The following EDA variants were observed in gnomAD, a reference collection of about 807,000 sequenced individuals.
EDA encodes ectodysplasin-A.
A neutral mutation model predicts 23.6 loss-of-function variants in EDA; 2 were observed. The observed-to-expected ratio is 0.08, with a 90% CI of 0.03 to 0.27. The LOEUF (loss-of-function observed/expected upper bound fraction) is 0.27, where lower values mean the gene tolerates loss of function less well. Among genes scored for constraint, EDA ranks in the 10% least tolerant of loss-of-function variants. The pLI is 1.00. For missense variants in EDA, 229 were observed against 324.2 expected (o/e 0.71, Z 2.26); for synonymous variants, 131 against 132.0 (o/e 0.99, Z 0.05).
chrX:69,885,028 G>A (rs1311301748), intron 1 of EDA, among the ~76,000 whole-genome samples: 1 of 111,631 alleles, frequency 9.0e-6, no homozygotes, highest in East Asian at 2.8e-4. Flanking sequence ...GATATAAAGT[G>A]GTATCTCCTT....
chrX:69,815,633 C>T (rs997178811), intron 1 of EDA, among the ~76,000 whole-genome samples: 16 of 111,997 alleles, frequency 1.4e-4, no homozygotes, highest in East Asian at 2.8e-4. Flanking sequence ...GACCTCCCTG[C>T]GGGGGCTTCA....
chrX:69,792,414 G>T (rs960737598), intron 1 of EDA, among the ~76,000 whole-genome samples: 1 of 111,977 alleles, frequency 8.9e-6, no homozygotes, highest in African/African-American at 3.2e-5. Flanking sequence ...ATTGTGAATT[G>T]TGCCACTATA....
chrX:69,847,290 T>C (rs1250492181), intron 1 of EDA, among the ~76,000 whole-genome samples: 1 of 111,682 alleles, frequency 9.0e-6, no homozygotes, highest in Non-Finnish European at 1.9e-5. Context: ...TACTGATAAA[T>C]GAATGCCTAC....
In EDA at chrX:69,667,539, C is replaced by T. The variant is rs1055029597; in HGVS notation, c.396+50835C>T. On this transcript the variant is annotated intron_variant, in intron 1 of 7. Coordinates refer to ENST00000374552, the MANE Select transcript of EDA (RefSeq NM_001399.5). ...ATATTGTTTATTTTTTTCAAACAAC[C>T]AACTCTTAGTTTTATTGATTTTTTC... 8.1e-5 allele frequency among the ~76,000 whole-genome samples: 9 copies of T among 111,036 alleles called. 1 individual carries two copies. Among genetic ancestry groups the T allele is most frequent in the Non-Finnish European group, 1.3e-4 (7 of 52,996 alleles).
At chrX:69,933,749 C>G (rs1449539211) in intron 1 of EDA, among the ~76,000 whole-genome samples, 5 of 111,628 alleles carry the variant, frequency 4.5e-5, no homozygotes, top group Admixed American at 9.5e-5. Context: ...TTGGAGCCCC[C>G]CTTCCTTCCA....
intron 1 of EDA, among the ~76,000 whole-genome samples, chrX:69,730,249 A>G (rs1055979834): frequency 3.6e-5 from 4 of 111,920 alleles, no homozygotes; most frequent in African/African-American, 1.3e-4. Flanking sequence ...CTGTATCCAC[A>G]GAAGTGCTCA....
rs1258009309 is a variant in EDA at position 69,676,501 on chromosome X, T to TGTGC, written c.396+59798_396+59799insTGCG. Among the ~76,000 whole-genome samples the TGTGC allele has an allele frequency of 2.1e-3, 229 of 109,097 alleles. 1 individual carries two copies. The highest frequency in any genetic ancestry group is 1.9e-3 in the Non-Finnish European group (102 of 52,623). The allele number at this position is 109,097 out of a possible 115,157, so 94.7% of individuals were successfully genotyped here. On this transcript the variant is annotated intron_variant, in intron 1 of 7. Transcript: ENST00000374552. Reference sequence around the variant, plus strand: ...GAGTTTTTCTGTGTGTGTGTGTGTGTGCGCGCGCGCACGTGTGCTTGTGTG... The same window carrying TGTGC: ...GAGTTTTTCTGTGTGTGTGTGTGTGTGTGCGCGCGCGCGCACGTGTGCTTGTGTG...
At chrX:69,748,794 G>T (rs753705480) in intron 1 of EDA, among the ~76,000 whole-genome samples, 1 of 111,385 alleles carries the variant, frequency 9.0e-6, no homozygotes, top group East Asian at 2.8e-4. Flanking sequence ...TCCCTCATAA[G>T]GTTGTTTTGA....
At position 69,833,356 on chromosome X, in the gene EDA, G is replaced by A. The variant is rs746358519; in HGVS notation, c.397-123671G>A. 8.1e-5 allele frequency among the ~76,000 whole-genome samples: 9 copies of A among 111,791 alleles called. No homozygotes were observed. In the East Asian group the frequency reaches 2.0e-3, roughly 24 times the overall value. ...GGATTACGTTTATTGATTTGCGTAT[G>A]TTGAACCAGCCTTGCATCCCAGGGA... On this transcript the variant is annotated intron_variant, in intron 1 of 7. Coordinates refer to ENST00000374552, the MANE Select transcript of EDA (RefSeq NM_001399.5).
chrX:69,891,931 A>G (rs1049259870), intron 1 of EDA, among the ~76,000 whole-genome samples: 1 of 107,763 alleles, frequency 9.3e-6, no homozygotes, highest in Non-Finnish European at 1.9e-5. Context: ...AGTTGGAAAT[A>G]AAAAAAAAAG....
chrX:69,699,223 G>A (rs1039963780), intron 1 of EDA, among the ~76,000 whole-genome samples: 3 of 111,610 alleles, frequency 2.7e-5, no homozygotes, highest in Admixed American at 9.5e-5. Context: ...AAGAGTTGTG[G>A]AGACTTTAGA....
intron 1 of EDA, among the ~76,000 whole-genome samples, chrX:69,878,637 G>C (rs1446336129): frequency 1.8e-5 from 2 of 110,353 alleles, no homozygotes; most frequent in Non-Finnish European, 3.8e-5. Context: ...GTTCTGCGGG[G>C]TGCAAGGCCA....
At chrX:69,623,774 G>T (rs1932278720) in intron 1 of EDA, among the ~76,000 whole-genome samples, 1 of 108,345 alleles carries the variant, frequency 9.2e-6, no homozygotes, top group African/African-American at 3.4e-5. Flanking sequence ...TACATGTGGA[G>T]AAGCAGACCC....
chrX:70,035,308 A>C, intron 7 of EDA, 50 bp from the exon 8 acceptor site: 1 of 1,181,343 alleles, frequency 8.5e-7, no homozygotes, highest in Non-Finnish European at 1.1e-6. Context: ...AGGGCCCCCC[A>C]CCCTCTCTTT....
At chrX:69,744,388 T>C (rs2013552837) in intron 1 of EDA, among the ~76,000 whole-genome samples, 1 of 111,995 alleles carries the variant, frequency 8.9e-6, no homozygotes, top group Non-Finnish European at 1.9e-5. Context: ...AGTGTCTGAC[T>C]CTGAAGCCCC....
chrX:69,789,724 C>G (rs1378440047), intron 1 of EDA, among the ~76,000 whole-genome samples: 8 of 111,784 alleles, frequency 7.2e-5, no homozygotes, highest in African/African-American at 2.6e-4. Context: ...CTCTTTTTCT[C>G]ATTTTCTATA....
At chrX:69,856,034 C>G (rs1005576404) in intron 1 of EDA, among the ~76,000 whole-genome samples, 2 of 110,311 alleles carry the variant, frequency 1.8e-5, no homozygotes, top group African/African-American at 6.6e-5. Context: ...AGTCTTTTAT[C>G]CCTCACCCCT....
intron 1 of EDA, among the ~76,000 whole-genome samples, chrX:69,888,009 A>G (rs192873936): frequency 1.9e-4 from 21 of 112,184 alleles, no homozygotes; most frequent in Admixed American, 1.0e-3. Context: ...AGGTAAATAC[A>G]TAGTCAAATT....
chrX:69,907,071 T>C (rs562931067), intron 1 of EDA, among the ~76,000 whole-genome samples: 157 of 111,795 alleles, frequency 1.4e-3, no homozygotes, highest in African/African-American at 5.0e-3. Context: ...GAGTGTGTCA[T>C]ACTAGAGTTT....
Sources: allele counts gnomAD v4.1 joint callset (sites outside exome capture counted in the v4.1 genomes callset), GRCh38; gene constraint gnomAD v4.1.1; transcripts MANE v1.5; gene names NCBI Gene and HGNC (gene_info 2026-07-23, HGNC 2026-07-21).